The following SNED1 variants were observed in gnomAD, a reference collection of about 807,000 sequenced individuals.
SNED1 encodes sushi, nidogen and EGF like domains 1, also known as sushi, nidogen and EGF-like domain-containing protein 1.
A neutral mutation model predicts 166.7 loss-of-function variants in SNED1; 81 were observed. That is an observed-to-expected ratio of 0.49 (90% CI 0.41 to 0.58). The LOEUF is 0.58. Among genes scored for constraint, SNED1 ranks in the 20% least tolerant of loss-of-function variants. The pLI, the probability that SNED1 is intolerant of heterozygous loss-of-function variation, is 0.00. For missense variants in SNED1, 1,604 were observed against 2,000.2 expected (o/e 0.80, Z 3.78); for synonymous variants, 762 against 822.0 (o/e 0.93, Z 1.25).
intron 5 of SNED1, 49 bp downstream of exon 5, chr2:241,036,964 A>T (rs1391822429): frequency 6.4e-7 from 1 of 1,569,106 alleles, no homozygotes; most frequent in Non-Finnish European, 8.6e-7. Context: ...CGCTGGGCTC[A>T]GGAGGAGCAC....
intron 1 of SNED1, among the ~76,000 whole-genome samples, chr2:241,012,504 C>G (rs2060442345): frequency 6.6e-6 from 1 of 152,216 alleles, no homozygotes; most frequent in Non-Finnish European, 1.5e-5. Context: ...ATCCACATCT[C>G]TGGTGGTGCT....
In SNED1 at chr2:241,065,561, C is replaced by T. The variant is rs201748221; in HGVS notation, c.2976C>T (p.Asp992=). Residue 992 remains aspartate, a synonymous_variant, in exon 21 of 32, where the codon GAC becomes GAT. Coordinates refer to ENST00000310397, the MANE Select transcript of SNED1 (RefSeq NM_001080437.3). ...SVKRNSNNKN[D]ISRPAVLLAR... ...AGCGAAACAGTAACAACAAGAATGA[C>T]ATCAGCAGGCCTGCCGTGCTGCTGG... 1.9e-6 allele frequency: 3 copies of T among 1,612,676 alleles called. No individual in the cohort carries two copies. Among genetic ancestry groups the T allele is most frequent in the East Asian group, 2.2e-5 (1 of 44,858 alleles).
chr2:241,039,543 G>A (rs1286201230), intron 6 of SNED1, among the ~76,000 whole-genome samples: 1 of 152,046 alleles, frequency 6.6e-6, no homozygotes, highest in African/African-American at 2.4e-5. Context: ...AGGAGGGAGG[G>A]CAGAGGGTGG....
chr2:241,068,725 T>C lies in SNED1; in HGVS notation c.3195-186T>C, dbSNP rs1241941541. On this transcript the variant is annotated intron_variant, in intron 22 of 31. Transcript: ENST00000310397. This position sits in a 1 kb window ranked among gnomAD's most constrained non-coding sequence, Gnocchi z 5.3. ...TCCGCTGCCCGGACTATGGGTTGGCTTCCCGCCCTAGGAGCACACGGCTCT... is the reference window on the plus strand; with the variant it reads ...TCCGCTGCCCGGACTATGGGTTGGCCTCCCGCCCTAGGAGCACACGGCTCT... Among the ~76,000 whole-genome samples the C allele has an allele frequency of 6.6e-6, 1 of 152,054 alleles. No homozygotes were observed. The highest frequency in any genetic ancestry group is 1.5e-5 in the Non-Finnish European group (1 of 67,998).
rs1311805684 is a variant in SNED1 at position 240,999,210 on chromosome 2, C to G, written c.213+160C>G. On this transcript the variant is annotated intron_variant, in intron 1 of 31. Transcript: ENST00000310397. The surrounding 1 kb of genome is among the most constrained non-coding windows in gnomAD (Gnocchi z 5.8). ...GCGCTTCCTCCTCGGCGGCCAAGGC[C>G]GGACAGCGGCCCGCGGGAGAGGCGC... Among the ~76,000 whole-genome samples the G allele has an allele frequency of 6.7e-6, 1 of 149,656 alleles. No homozygotes were observed. The highest frequency in any genetic ancestry group is 1.5e-5 in the Non-Finnish European group (1 of 67,212).
chr2:241,051,711 C>A lies in SNED1; in HGVS notation c.1736-33C>A. The stretch of plus-strand genomic sequence containing the variant: ...GGCTCTGTGGGGCCAGCAGCCTGGC[C>A]CCGTTCATCTGCCTCTCTGTCCTTC... On this transcript the variant is annotated intron_variant, in intron 12 of 31. Coordinates refer to ENST00000310397, the MANE Select transcript of SNED1 (RefSeq NM_001080437.3). The surrounding 1 kb of genome is among the most constrained non-coding windows in gnomAD (Gnocchi z 4.7). 1.4e-6 allele frequency: 2 copies of A among 1,434,232 alleles called. No homozygotes were observed. The highest frequency in any genetic ancestry group is 1.8e-6 in the Non-Finnish European group (2 of 1,083,342). 88.8% of individuals were successfully genotyped at this position (1,434,232 alleles called of 1,614,324 possible). A position where few individuals can be genotyped will look rare whatever the true frequency, so the allele number is the denominator to read the frequency against.
rs571848396 is a variant in SNED1 at position 240,999,194 on chromosome 2, C to T, written c.213+144C>T. On this transcript the variant is annotated intron_variant, in intron 1 of 31. Transcript: ENST00000310397. This position sits in a 1 kb window ranked among gnomAD's most constrained non-coding sequence, Gnocchi z 5.8. ...AGGTGGAATGAGGACAGCGCTTCCT[C>T]CTCGGCGGCCAAGGCCGGACAGCGG... 73 of 407,892 alleles carry T rather than the reference C, an allele frequency of 1.8e-4. 1 individual carries two copies. The highest frequency in any genetic ancestry group is 1.4e-3 in the African/African-American group (64 of 47,070). 25.3% of individuals were successfully genotyped at this position (407,892 alleles called of 1,614,324 possible). A position where few individuals can be genotyped will look rare whatever the true frequency, so the allele number is the denominator to read the frequency against.
intron 1 of SNED1, among the ~76,000 whole-genome samples, chr2:241,020,946 AC>A (rs1324618344): frequency 2.0e-5 from 3 of 152,190 alleles, no homozygotes; most frequent in African/African-American, 2.4e-5. Context: ...GGCAGGAAAC[AC>A]CACGTCAACA....
intron 10 of SNED1, 32 bp from the exon 11 acceptor site, chr2:241,048,990 A>G (rs1574983158): frequency 1.3e-6 from 2 of 1,558,918 alleles, no homozygotes; most frequent in Non-Finnish European, 1.8e-6. Context: ...GACATGTGGA[A>G]TATGGGATGG....
chr2:241,065,487 C>T lies in SNED1; in HGVS notation c.2902C>T (p.Gln968Ter). The T allele has an allele frequency of 6.2e-7, 1 of 1,613,016 alleles. No homozygotes were observed. The highest frequency in any genetic ancestry group is 8.5e-7 in the Non-Finnish European group (1 of 1,179,850). Residue 968 changes from glutamine to a stop codon, truncating the protein, a stop_gained, in exon 21 of 32, where the codon CAG becomes TAG. Transcript: ENST00000310397. LOFTEE classifies it high-confidence loss of function. ...CAGGACCCGCTCCTCGCACCAGCTCCAGGCCCTGGCGGCCGGCAGGGCCTA... is the reference window on the plus strand; with the variant it reads ...CAGGACCCGCTCCTCGCACCAGCTCTAGGCCCTGGCGGCCGGCAGGGCCTA... ...VDRTRSSHQL[Q>*]ALAAGRAYNI...
intron 1 of SNED1, among the ~76,000 whole-genome samples, chr2:241,007,596 T>A (rs2060256102): frequency 6.6e-6 from 1 of 152,220 alleles, no homozygotes. Flanking sequence ...CGTAATTCCA[T>A]CACCCAAAAA....
intron 16 of SNED1, 128 bp from the exon 17 acceptor site, chr2:241,062,661 GTC>G (rs2062278629): frequency 1.4e-6 from 1 of 717,282 alleles, no homozygotes; most frequent in Admixed American, 2.0e-5. Context: ...TCCAGCCCTG[GTC>G]TCTGGCCTTT....
In SNED1 at chr2:241,091,462, C is replaced by G. The variant is rs554332307; in HGVS notation, c.*2-176C>G. 6.6e-6 allele frequency among the ~76,000 whole-genome samples: 1 copy of G among 151,716 alleles called. No homozygotes were observed. Among genetic ancestry groups the G allele is most frequent in the Non-Finnish European group, 1.5e-5 (1 of 67,922 alleles). On this transcript the variant is annotated intron_variant, in intron 31 of 31. Transcript: ENST00000310397. The surrounding 1 kb of genome is among the most constrained non-coding windows in gnomAD (Gnocchi z 4.1). ...GTAGAATCCTGGTGCTCTAAGAACGCGGGGTCCTCCCCGTGTGCACTGCCA... is the reference window on the plus strand; with the variant it reads ...GTAGAATCCTGGTGCTCTAAGAACGGGGGGTCCTCCCCGTGTGCACTGCCA...
chr2:241,034,585 C>G lies in SNED1; in HGVS notation c.660C>G (p.Gly220=), dbSNP rs6736167. ...ACCCCCAGGCTGGCTTCAACGCAGG[C>G]GATGGGCAGCGTTACTTCAGTATCC... ...GIAAQAGFNA[G]DGQRYFSIPG... The change falls in exon 4 of 32, where the codon GGC becomes GGG. Residue 220 remains glycine (G), a synonymous_variant. Transcript: ENST00000310397. 5.1e-3 allele frequency: 8,176 copies of G among 1,603,866 alleles called. 359 individuals carry two copies. In the African/African-American group the frequency reaches 0.097, roughly 19 times the overall value.
intron 1 of SNED1, among the ~76,000 whole-genome samples, chr2:241,002,167 C>G (rs934045346): frequency 6.6e-6 from 1 of 152,144 alleles, no homozygotes; most frequent in Non-Finnish European, 1.5e-5. Context: ...GAAGCTCCCC[C>G]ATCAGGTCAT....
chr2:241,045,614 C>T (rs1574973395), intron 8 of SNED1, among the ~76,000 whole-genome samples: 1 of 150,738 alleles, frequency 6.6e-6, no homozygotes, highest in Admixed American at 6.6e-5. Flanking sequence ...AAAAAAACCT[C>T]AACTTCAACC....
chr2:241,066,790 C>G (rs932495680), intron 21 of SNED1, among the ~76,000 whole-genome samples: 4 of 152,160 alleles, frequency 2.6e-5, no homozygotes, highest in Non-Finnish European at 4.4e-5. Context: ...CTGGCCACAC[C>G]TGGGCCCTAG....
chr2:241,091,656 T>TA lies in SNED1; in HGVS notation c.*21dup, dbSNP rs1389197135. 1 of 152,264 alleles carries TA rather than the reference T, an allele frequency of 6.6e-6. No homozygotes were observed. Among genetic ancestry groups the TA allele is most frequent in the African/African-American group, 2.4e-5 (1 of 41,478 alleles). 9.4% of individuals were successfully genotyped at this position (152,264 alleles called of 1,614,324 possible). On this transcript the variant is annotated 3_prime_UTR_variant, in exon 32 of 32. Coordinates refer to ENST00000310397, the MANE Select transcript of SNED1 (RefSeq NM_001080437.3). The surrounding 1 kb of genome is among the most constrained non-coding windows in gnomAD (Gnocchi z 4.1). ...TTCAAAGGATTTAAGACGTTCTTGT[T>TA]ACACTCCACCAACCTCACGAGTTTC...
At position 241,073,435 on chromosome 2, in the gene SNED1, A is replaced by T; in HGVS notation, c.3916+71A>T. ...CTCAGGGGCCTTAGAGGCTGCAGGC[A>T]GGAGGGACCACCCACGGTGAGGAAT... On this transcript the variant is annotated intron_variant, in intron 27 of 31. Coordinates refer to ENST00000310397, the MANE Select transcript of SNED1 (RefSeq NM_001080437.3). The surrounding 1 kb of genome is among the most constrained non-coding windows in gnomAD (Gnocchi z 6.6). 2 of 1,263,296 alleles carry T rather than the reference A, an allele frequency of 1.6e-6. No individual in the cohort carries two copies. Among genetic ancestry groups the T allele is most frequent in the Non-Finnish European group, 1.1e-6 (1 of 884,854 alleles). The allele number at this position is 1,263,296 out of a possible 1,614,324, so 78.3% of individuals were successfully genotyped here.
Sources: gnomAD v4.1 joint callset for allele counts (sites outside exome capture counted in the v4.1 genomes callset) on GRCh38, gnomAD v4.1.1 for gene constraint, Gnocchi (gnomAD v3.1) non-coding constraint, MANE v1.5 for transcripts, NCBI Gene and HGNC (gene_info 2026-07-23, HGNC 2026-07-21) for gene names.